ACOX2: variants seen among roughly 807,000 people sequenced by gnomAD.
ACOX2 encodes acyl-CoA oxidase 2.
ACOX2 carries 59 observed loss-of-function variants against 77.5 expected under a neutral mutation model. That is an observed-to-expected ratio of 0.76 (90% CI 0.62 to 0.95). The LOEUF (loss-of-function observed/expected upper bound fraction) is 0.95, where lower values mean the gene tolerates loss of function less well. Among genes scored for constraint, ACOX2 ranks in the 40% least tolerant of loss-of-function variants. The pLI, the probability that ACOX2 is intolerant of heterozygous loss-of-function variation, is 0.00. For missense variants in ACOX2, 837 were observed against 880.4 expected (o/e 0.95, Z 0.62); for synonymous variants, 317 against 340.1 (o/e 0.93, Z 0.75).
rs869206771 is a variant in ACOX2 at position 58,510,632 on chromosome 3, CAAAAAAAAAAAAAA to C, written c.1851-1621_1851-1608del. Among the ~76,000 whole-genome samples, 3 of 6,840 alleles carry C rather than the reference CAAAAAAAAAAAAAA, an allele frequency of 4.4e-4. 1 individual carries two copies. Among genetic ancestry groups the C allele is most frequent in the South Asian group, 0.023 (2 of 86 alleles). The allele number at this position is 6,840 out of a possible 152,430, so 4.5% of individuals were successfully genotyped here. On this transcript the variant is annotated intron_variant, in intron 13 of 14. Transcript: ENST00000302819. ...TGGGCAACAGAGCAAGACTCCCGCT[CAAAAAAAAAAAAAA>C]AAAAAAAAAAAAAAAAAATATATAT...
Position 58,524,645 on chromosome 3 carries a change from T to A in ACOX2, c.1347-40A>T. 6.3e-7 allele frequency: 1 copy of A among 1,593,582 alleles called. No homozygotes were observed. The highest frequency in any genetic ancestry group is 8.6e-7 in the Non-Finnish European group (1 of 1,166,368). On this transcript the variant is annotated intron_variant, in intron 10 of 14. Coordinates refer to ENST00000302819, the MANE Select transcript of ACOX2 (RefSeq NM_003500.4). The surrounding 1 kb of genome is among the most constrained non-coding windows in gnomAD (Gnocchi z 5.5). ...AGGAGGCAGGTGAGAGGGCAGAGAC[T>A]CTGTGAGACAGCCCAGCACCCCTCA...
chr3:58,535,224 C>G lies in ACOX2; in HGVS notation c.-91-27G>C, dbSNP rs546029315. 2.3e-5 allele frequency: 31 copies of G among 1,345,956 alleles called. No homozygotes were observed. The highest frequency in any genetic ancestry group is 1.1e-4 in the African/African-American group (8 of 69,940). The allele number at this position is 1,345,956 out of a possible 1,614,324, so 83.4% of individuals were successfully genotyped here. On this transcript the variant is annotated intron_variant, in intron 1 of 14. Coordinates refer to ENST00000302819, the MANE Select transcript of ACOX2 (RefSeq NM_003500.4). The surrounding 1 kb of genome is among the most constrained non-coding windows in gnomAD (Gnocchi z 4.8). Reference sequence around the variant, plus strand: ...TGTGTGCAAGAGGAACTGCCTAGGGCTGGGTGTCAGCCAGGGCTGGTTGGT... The same window carrying G: ...TGTGTGCAAGAGGAACTGCCTAGGGGTGGGTGTCAGCCAGGGCTGGTTGGT...
rs1490086917 is a variant in ACOX2, at chr3:58,528,898, G to C, written c.1051C>G (p.Leu351Val). Residue 351 changes from leucine (L) to valine (V), a missense_variant, in exon 9 of 15, where the codon CTG (leucine) becomes GTG (valine). By Grantham distance (32) the Leu-to-Val change is conservative (BLOSUM62 1). Transcript: ENST00000302819. The surrounding 1 kb of genome is among the most constrained non-coding windows in gnomAD (Gnocchi z 5.6). ...QTQQQKLFPQ[L>V]AISYAFHFLA... Reference sequence around the variant, plus strand: ...AAATGGAAGGCATAACTGATGGCCAGCTGAGGAAAGAGTTTCTGCTGTTGT... The same window carrying C: ...AAATGGAAGGCATAACTGATGGCCACCTGAGGAAAGAGTTTCTGCTGTTGT... 1.9e-6 allele frequency: 3 copies of C among 1,613,690 alleles called. No individual in the cohort carries two copies. The highest frequency in any genetic ancestry group is 2.5e-6 in the Non-Finnish European group (3 of 1,179,806).
intron 13 of ACOX2, among the ~76,000 whole-genome samples, chr3:58,510,663 AATATATATATAT>A (rs1364040351): frequency 1.0e-3 from 15 of 14,358 alleles, no homozygotes; most frequent in African/African-American, 3.9e-3. Context: ...AAAAAAAAAA[AATATATATATAT>A]ATATATATAT....
Position 58,533,651 on chromosome 3 carries a change from T to C in ACOX2, c.476-99A>G. 1.8e-6 allele frequency: 2 copies of C among 1,093,950 alleles called. No individual in the cohort carries two copies. The highest frequency in any genetic ancestry group is 4.8e-5 in the East Asian group (2 of 41,536). 67.8% of individuals were successfully genotyped at this position (1,093,950 alleles called of 1,614,324 possible). A position where few individuals can be genotyped will look rare whatever the true frequency, so the allele number is the denominator to read the frequency against. On this transcript the variant is annotated intron_variant, in intron 4 of 14. Coordinates refer to ENST00000302819, the MANE Select transcript of ACOX2 (RefSeq NM_003500.4). The surrounding 1 kb of genome is among the most constrained non-coding windows in gnomAD (Gnocchi z 5.6). ...TCTGAACTCTTAGGCATCAGCGCAGTATGGAGTGGGGCCCAGCTCCCAGCT... is the reference window on the plus strand; with the variant it reads ...TCTGAACTCTTAGGCATCAGCGCAGCATGGAGTGGGGCCCAGCTCCCAGCT...
In ACOX2 at chr3:58,517,402, C is replaced by T. The variant is rs1213098216; in HGVS notation, c.1654G>A (p.Val552Met). Residue 552 changes from valine (V) to methionine (M), a missense_variant, in exon 13 of 15, where the codon GTG becomes ATG. By Grantham distance (21) the Val-to-Met change is conservative. Coordinates refer to ENST00000302819, the MANE Select transcript of ACOX2 (RefSeq NM_003500.4). Reference sequence around the variant, plus strand: ...TCCAGAGCTTCTGTAAAACCCTTCACAGTGACATAGTAGCAGTGCACCTAC... The same window carrying T: ...TCCAGAGCTTCTGTAAAACCCTTCATAGTGACATAGTAGCAGTGCACCTAC... ...AAKVHCYYVT[V>M]KGFTEALEKL... 6.2e-7 allele frequency: 1 copy of T among 1,614,032 alleles called. No individual in the cohort carries two copies. Among genetic ancestry groups the T allele is most frequent in the Non-Finnish European group, 8.5e-7 (1 of 1,180,028 alleles).
chr3:58,511,822 G>A (rs887609950), intron 13 of ACOX2: 1 of 152,264 alleles, frequency 6.6e-6, no homozygotes, highest in African/African-American at 2.4e-5. Context: ...AAAGTGTTAT[G>A]TGTGTTTATG....
In ACOX2 at chr3:58,517,087, C is replaced by T. The variant is rs2063326168; in HGVS notation, c.1850+119G>A. 8.0e-6 allele frequency: 8 copies of T among 1,005,152 alleles called. No individual in the cohort carries two copies. The Middle Eastern group carries it at 9.4e-4, about 119-fold the overall frequency. 62.3% of individuals were successfully genotyped at this position (1,005,152 alleles called of 1,614,324 possible). On this transcript the variant is annotated intron_variant, in intron 13 of 14. Coordinates refer to ENST00000302819, the MANE Select transcript of ACOX2 (RefSeq NM_003500.4). Reference sequence around the variant, plus strand: ...GGTGTAATGATAATAGGGTGTAGACCTCTCCAGGGCTGTTGCTGCTCTGCC... The same window carrying T: ...GGTGTAATGATAATAGGGTGTAGACTTCTCCAGGGCTGTTGCTGCTCTGCC...
In ACOX2 at chr3:58,523,095, A is replaced by G. The variant is rs138396395; in HGVS notation, c.1527-494T>C. On this transcript the variant is annotated intron_variant, in intron 11 of 14. Transcript: ENST00000302819. This position sits in a 1 kb window ranked among gnomAD's most constrained non-coding sequence, Gnocchi z 5.3. The stretch of plus-strand genomic sequence containing the variant: ...AGGGACCTAAAAACAAAAAGAGAAA[A>G]CCAACCTTTGTCCTGCAAACCACTA... 2.3e-4 allele frequency: 36 copies of G among 155,440 alleles called. 1 individual carries two copies. The East Asian group carries it at 5.3e-3, about 23-fold the overall frequency. 9.6% of individuals were successfully genotyped at this position (155,440 alleles called of 1,614,324 possible).
rs748931754 is a variant in ACOX2 at position 58,517,425 on chromosome 3, T to C, written c.1633-2A>G. The C allele has an allele frequency of 1.2e-6, 2 of 1,613,138 alleles. No homozygotes were observed. The highest frequency in any genetic ancestry group is 2.2e-5 in the South Asian group (2 of 91,072). On this transcript the variant is annotated splice_acceptor_variant, in intron 12 of 14. Coordinates refer to ENST00000302819, the MANE Select transcript of ACOX2 (RefSeq NM_003500.4). LOFTEE classifies it high-confidence loss of function. The stretch of plus-strand genomic sequence containing the variant: ...CACAGTGACATAGTAGCAGTGCACC[T>C]ACAAAGACACAAAGATATGTTCTCC...
At chr3:58,507,560 T>C (rs1216527640) in intron 14 of ACOX2, among the ~76,000 whole-genome samples, 1 of 152,134 alleles carries the variant, frequency 6.6e-6, no homozygotes, top group Non-Finnish European at 1.5e-5. Context: ...TTCTGACAGG[T>C]GTTATAGCAG....
Position 58,535,237 on chromosome 3 carries a change from AG to A in ACOX2, c.-91-41del. ...AACTGCCTAGGGCTGGGTGTCAGCC[AG>A]GGCTGGTTGGTAGAAGAAAGACATC... On this transcript the variant is annotated intron_variant, in intron 1 of 14. Coordinates refer to ENST00000302819, the MANE Select transcript of ACOX2 (RefSeq NM_003500.4). This position sits in a 1 kb window ranked among gnomAD's most constrained non-coding sequence, Gnocchi z 4.8. 1 of 1,187,878 alleles carries A rather than the reference AG, an allele frequency of 8.4e-7. No individual in the cohort carries two copies. Among genetic ancestry groups the A allele is most frequent in the Non-Finnish European group, 1.2e-6 (1 of 826,854 alleles). 73.6% of individuals were successfully genotyped at this position (1,187,878 alleles called of 1,614,324 possible).
rs181134424 is a variant in ACOX2 at position 58,523,669 on chromosome 3, A to G, written c.1526+757T>C. On this transcript the variant is annotated intron_variant, in intron 11 of 14. Transcript: ENST00000302819. This position sits in a 1 kb window ranked among gnomAD's most constrained non-coding sequence, Gnocchi z 5.3. ...TCACCATGTTGCCGAAGCTGGTCTC[A>G]AACTCCTGAGCTCAAGCAATCCGCC... Among the ~76,000 whole-genome samples the G allele has an allele frequency of 4.6e-5, 7 of 151,960 alleles. No homozygotes were observed. In the East Asian group the frequency reaches 1.4e-3, roughly 29 times the overall value.
chr3:58,531,666 T>G lies in ACOX2; in HGVS notation c.703+27A>C. On this transcript the variant is annotated intron_variant, in intron 6 of 14. Coordinates refer to ENST00000302819, the MANE Select transcript of ACOX2 (RefSeq NM_003500.4). The surrounding 1 kb of genome is among the most constrained non-coding windows in gnomAD (Gnocchi z 5.8). ...CACCTGGGCTCTCCTCCTGGCAGGG[T>G]TCCTTGAGGGAGCATTATGGGCTTA... 6.2e-7 allele frequency: 1 copy of G among 1,610,654 alleles called. No individual in the cohort carries two copies. Among genetic ancestry groups the G allele is most frequent in the Non-Finnish European group, 8.5e-7 (1 of 1,178,164 alleles).
intron 14 of ACOX2, 118 bp downstream of exon 14, chr3:58,508,775 G>C: frequency 7.6e-7 from 1 of 1,323,484 alleles, no homozygotes; most frequent in Non-Finnish European, 1.0e-6. Flanking sequence ...AAACAGACGT[G>C]CTACGCCAAG....
chr3:58,510,705 T>TAC (rs2063279419), intron 13 of ACOX2, among the ~76,000 whole-genome samples: 2 of 3,930 alleles, frequency 5.1e-4, no homozygotes, highest in African/African-American at 7.0e-4. Context: ...TATATATATA[T>TAC]ATATACACAC....
rs6762104 is a variant in ACOX2, at chr3:58,521,593, C to G, written c.1632+903G>C. Among the ~76,000 whole-genome samples the G allele has an allele frequency of 0.088, 13,448 of 152,226 alleles. 998 individuals are homozygous for G. The highest frequency in any genetic ancestry group is 0.21 in the African/African-American group (8,537 of 41,496). On this transcript the variant is annotated intron_variant, in intron 12 of 14. Coordinates refer to ENST00000302819, the MANE Select transcript of ACOX2 (RefSeq NM_003500.4). This position sits in a 1 kb window ranked among gnomAD's most constrained non-coding sequence, Gnocchi z 4.8. ...AGACTTGCTCCTTTCTAACTTGCTC[C>G]CTTTCATTCCATCCTGGGCAACCTG...
Position 58,522,392 on chromosome 3 carries a change from G to T in ACOX2, c.1632+104C>A. ...AAGTGAAATGAGGGCAGCCGCCACTGAAGCAGAGTTGGGGAATAATGGCAG... is the reference window on the plus strand; with the variant it reads ...AAGTGAAATGAGGGCAGCCGCCACTTAAGCAGAGTTGGGGAATAATGGCAG... On this transcript the variant is annotated intron_variant, in intron 12 of 14. Transcript: ENST00000302819. The surrounding 1 kb of genome is among the most constrained non-coding windows in gnomAD (Gnocchi z 4.3). 1 of 1,120,170 alleles carries T rather than the reference G, an allele frequency of 8.9e-7. No homozygotes were observed. The highest frequency in any genetic ancestry group is 1.3e-6 in the Non-Finnish European group (1 of 756,858). 69.4% of individuals were successfully genotyped at this position (1,120,170 alleles called of 1,614,324 possible). A position where few individuals can be genotyped will look rare whatever the true frequency, so the allele number is the denominator to read the frequency against.
At chr3:58,508,206 T>G (rs1378716585) in intron 14 of ACOX2, among the ~76,000 whole-genome samples, 3 of 152,220 alleles carry the variant, frequency 2.0e-5, no homozygotes, top group African/African-American at 7.2e-5. Context: ...GAGCATACCC[T>G]GGCCCTTGAG....
Sources: gnomAD v4.1 joint callset for allele counts (sites outside exome capture counted in the v4.1 genomes callset) on GRCh38, gnomAD v4.1.1 for gene constraint, Gnocchi (gnomAD v3.1) non-coding constraint, MANE v1.5 for transcripts, NCBI Gene and HGNC (gene_info 2026-07-23, HGNC 2026-07-21) for gene names.